Variants in MAGI2 observed in about 807,000 individuals in gnomAD.
MAGI2 encodes membrane-associated guanylate kinase, WW and PDZ domain-containing protein 2.
Under a neutral mutation model 133.3 loss-of-function variants are expected in MAGI2, and 35 were observed. The ratio of observed to expected loss-of-function variants is 0.26; its 90% CI spans 0.20 to 0.35. The LOEUF is 0.35. Among genes scored for constraint, MAGI2 ranks in the 10% least tolerant of loss-of-function variants. MAGI2 has a pLI of 1.00. For synonymous variants in MAGI2, 729 were observed against 710.6 expected, an observed-to-expected ratio of 1.03 and a Z score of -0.41; for missense variants, 1,636 against 1,863.4, an observed-to-expected ratio of 0.88 and a Z score of 2.25.
chr7:78,844,771 G>A (rs907237064), intron 2 of MAGI2, among the ~76,000 whole-genome samples: 4 of 151,766 alleles, frequency 2.6e-5, no homozygotes, highest in Admixed American at 2.6e-4. Flanking sequence ...AAAACCCACT[G>A]AATTGCACAC....
intron 1 of MAGI2, among the ~76,000 whole-genome samples, chr7:79,378,606 T>A (rs1843539764): frequency 6.6e-6 from 1 of 151,584 alleles, no homozygotes; most frequent in Admixed American, 6.6e-5. Context: ...CAAATTAACA[T>A]CAATTTTTCT....
At chr7:78,345,845 A>G (rs1346440372) in intron 8 of MAGI2, 77 bp downstream of exon 8, 7 of 1,581,814 alleles carry the variant, frequency 4.4e-6, no homozygotes, top group African/African-American at 1.4e-5. Context: ...GGTCCAAGCT[A>G]CAGACATATT....
chr7:78,334,118 T>A (rs1026720940), intron 9 of MAGI2, among the ~76,000 whole-genome samples: 8 of 152,214 alleles, frequency 5.3e-5, no homozygotes, highest in African/African-American at 1.7e-4. Flanking sequence ...TCTCAGGGAA[T>A]GTTTAATGAA....
intron 1 of MAGI2, among the ~76,000 whole-genome samples, chr7:79,401,330 C>A (rs1845454002): frequency 6.6e-6 from 1 of 152,114 alleles, no homozygotes; most frequent in African/African-American, 2.4e-5. Context: ...AGTCTCACAG[C>A]AAAATTTATT....
chr7:78,895,627 T>C (rs773139230), intron 2 of MAGI2, among the ~76,000 whole-genome samples: 11 of 152,090 alleles, frequency 7.2e-5, no homozygotes, highest in Non-Finnish European at 1.3e-4. Flanking sequence ...TTCTAGGGAA[T>C]GTGTGCAGGC....
chr7:78,663,426 C>T (rs1247968608), intron 2 of MAGI2, among the ~76,000 whole-genome samples: 1 of 151,980 alleles, frequency 6.6e-6, no homozygotes, highest in African/African-American at 2.4e-5. Flanking sequence ...AGGATGGTCT[C>T]AATCTCCTGA....
chr7:79,359,304 T>A (rs1456104030), intron 1 of MAGI2, among the ~76,000 whole-genome samples: 1 of 151,920 alleles, frequency 6.6e-6, no homozygotes, highest in African/African-American at 2.4e-5. Flanking sequence ...AACTAAACAG[T>A]AGAGAGAAAA....
intron 1 of MAGI2, among the ~76,000 whole-genome samples, chr7:79,059,482 A>G (rs1324294986): frequency 6.6e-6 from 1 of 152,090 alleles, no homozygotes; most frequent in Non-Finnish European, 1.5e-5. Flanking sequence ...TAATGGGGAC[A>G]ATAGTAACAT....
intron 20 of MAGI2, among the ~76,000 whole-genome samples, chr7:78,107,280 G>A (rs1423699263): frequency 2.0e-5 from 3 of 152,112 alleles, no homozygotes; most frequent in Admixed American, 6.6e-5. Context: ...TTTGAATAAT[G>A]TGACCCCTGT....
intron 6 of MAGI2, among the ~76,000 whole-genome samples, chr7:78,416,389 A>G (rs547448847): frequency 7.5e-6 from 1 of 134,066 alleles, no homozygotes; most frequent in South Asian, 2.5e-4. Flanking sequence ...TGTTACATAC[A>G]TGATTGGAAA....
chr7:78,577,506 A>G (rs776568770), intron 3 of MAGI2, among the ~76,000 whole-genome samples: 2 of 152,226 alleles, frequency 1.3e-5, no homozygotes, highest in African/African-American at 4.8e-5. Flanking sequence ...AGAGACCACC[A>G]AACAGGCTTT....
At chr7:78,027,865 C>A (rs1809112044) in intron 21 of MAGI2, among the ~76,000 whole-genome samples, 1 of 152,144 alleles carries the variant, frequency 6.6e-6, no homozygotes. Flanking sequence ...TAAAAATATC[C>A]ATGAATTTAG....
intron 1 of MAGI2, among the ~76,000 whole-genome samples, chr7:79,419,629 T>C (rs1210040295): frequency 6.6e-6 from 1 of 152,012 alleles, no homozygotes; most frequent in Non-Finnish European, 1.5e-5. Flanking sequence ...ATTTATCCAA[T>C]ATATAAAGAG....
chr7:78,366,050 A>C lies in MAGI2; in HGVS notation c.1103+3106T>G, dbSNP rs142949785. On this transcript the variant is annotated intron_variant, in intron 7 of 21. Coordinates refer to ENST00000354212, the MANE Select transcript of MAGI2 (RefSeq NM_012301.4). The stretch of plus-strand genomic sequence containing the variant: ...TTTTGCTACTGGGTTGGAAGGTGGA[A>C]TCTTTTTCATATCTTGTAAAGAGTA... 7.4e-3 allele frequency among the ~76,000 whole-genome samples: 1,131 copies of C among 152,276 alleles called. 14 individuals are homozygous for C. Among genetic ancestry groups the C allele is most frequent in the African/African-American group, 0.025 (1,055 of 41,566 alleles).
At chr7:78,873,018 T>A (rs1795156473) in intron 2 of MAGI2, among the ~76,000 whole-genome samples, 1 of 152,142 alleles carries the variant, frequency 6.6e-6, no homozygotes, top group East Asian at 1.9e-4. Context: ...TAAATTTCTA[T>A]TTCAAAATTG....
At chr7:79,291,539 A>G (rs1474848646) in intron 1 of MAGI2, among the ~76,000 whole-genome samples, 1 of 152,174 alleles carries the variant, frequency 6.6e-6, no homozygotes, top group East Asian at 1.9e-4. Context: ...CCAGCAGTGT[A>G]TCAGGGCTCC....
chr7:78,359,742 A>T (rs529803490), intron 7 of MAGI2, among the ~76,000 whole-genome samples: 1 of 152,246 alleles, frequency 6.6e-6, no homozygotes, highest in African/African-American at 2.4e-5. Flanking sequence ...TGCTTTAAAA[A>T]TTTTAAGTAT....
intron 3 of MAGI2, chr7:78,614,682 G>A (rs1048294148): frequency 2.0e-5 from 3 of 152,090 alleles, no homozygotes; most frequent in African/African-American, 7.2e-5. Context: ...AGACAATTTA[G>A]TCAAATCTTA....
chr7:78,708,990 G>A (rs763577396), intron 2 of MAGI2, among the ~76,000 whole-genome samples: 5 of 151,610 alleles, frequency 3.3e-5, no homozygotes, highest in South Asian at 2.1e-4. Context: ...CTCCATCCCC[G>A]CTATTAGCCC....
Sources: allele counts gnomAD v4.1 joint callset (sites outside exome capture counted in the v4.1 genomes callset), GRCh38; gene constraint gnomAD v4.1.1; transcripts MANE v1.5; gene names NCBI Gene and HGNC (gene_info 2026-07-23, HGNC 2026-07-21).